Variants in PDGFRA observed in about 807,000 individuals in gnomAD.
The protein encoded by PDGFRA is platelet-derived growth factor receptor alpha.
PDGFRA carries 25 observed loss-of-function variants against 121.5 expected under a neutral mutation model. The observed-to-expected ratio is 0.21, with a 90% CI of 0.15 to 0.29. The LOEUF (loss-of-function observed/expected upper bound fraction) is 0.29. Among genes scored for constraint, PDGFRA ranks in the 10% least tolerant of loss-of-function variants. The pLI is 1.00. For synonymous variants in PDGFRA, 463 were observed against 494.8 expected, an observed-to-expected ratio of 0.94 and a Z score of 0.85; for missense variants, 1,008 against 1,345.1, an observed-to-expected ratio of 0.75 and a Z score of 3.92.
intron 1 of PDGFRA, among the ~76,000 whole-genome samples, chr4:54,242,337 C>T (rs1489127337): frequency 6.6e-6 from 1 of 152,054 alleles, no homozygotes; most frequent in Non-Finnish European, 1.5e-5. Context: ...GGAGATACCT[C>T]TTGTGTCCAT....
intron 1 of PDGFRA, among the ~76,000 whole-genome samples, chr4:54,235,781 G>GA (rs921142849): frequency 5.3e-5 from 8 of 152,336 alleles, no homozygotes; most frequent in African/African-American, 1.9e-4. Flanking sequence ...GGAGTCTGCA[G>GA]AAAAAGTCGT....
At chr4:54,238,841 G>A (rs1043553502) in intron 1 of PDGFRA, among the ~76,000 whole-genome samples, 2 of 152,148 alleles carry the variant, frequency 1.3e-5, no homozygotes, top group Non-Finnish European at 2.9e-5. Context: ...GCATGATGGT[G>A]CAGGCCTATA....
Position 54,280,306 on chromosome 4 carries a change from G to C in PDGFRA, c.2157-10G>C, listed in dbSNP as rs1723998462. On this transcript the variant is annotated splice_polypyrimidine_tract_variant and intron_variant, in intron 15 of 22. Transcript: ENST00000257290. ...CACCCTGGGTAAGATTTCTCTTTCTGTTTTTACAGCTATGTTATTTTATCT... is the reference window on the plus strand; with the variant it reads ...CACCCTGGGTAAGATTTCTCTTTCTCTTTTTACAGCTATGTTATTTTATCT... The C allele has an allele frequency of 6.2e-7, 1 of 1,612,596 alleles. No homozygotes were observed. Among genetic ancestry groups the C allele is most frequent in the South Asian group, 1.1e-5 (1 of 91,020 alleles).
intron 16 of PDGFRA, chr4:54,281,918 T>G (rs781286722): frequency 1.2e-4 from 133 of 1,155,322 alleles, no homozygotes; most frequent in Non-Finnish European, 1.4e-4. Flanking sequence ...TATTAACAAA[T>G]TATAAGCAAA....
rs372271731 is a variant in PDGFRA at position 54,291,296 on chromosome 4, T to A, written c.3122+742T>A. ...TCACCCATAAATATTCCAGTGTGTG[T>A]CTCTTAAAGATAAGGGCTCTATTTT... On this transcript the variant is annotated intron_variant, in intron 22 of 22. Transcript: ENST00000257290. Among the ~76,000 whole-genome samples, 19 of 152,302 alleles carry A rather than the reference T, an allele frequency of 1.2e-4. No homozygotes were observed. The South Asian group carries it at 3.7e-3, about 30-fold the overall frequency.
rs897125191 is a variant in PDGFRA at position 54,258,744 on chromosome 4, T to C, written c.-12-13T>C. The C allele has an allele frequency of 3.8e-6, 6 of 1,588,150 alleles. No homozygotes were observed. In the South Asian group the frequency reaches 6.6e-5, roughly 18 times the overall value. On this transcript the variant is annotated splice_polypyrimidine_tract_variant and intron_variant, in intron 1 of 22. Transcript: ENST00000257290. ...TTGCTAATGCTGTTTCTGTTGACTT[T>C]TGACTTTTCTAGTTTCCCAGAGCTA...
rs1723080437 is a variant in PDGFRA, at chr4:54,267,303, C to G, written c.774C>G (p.Ile258Met). Residue 258 changes from isoleucine to methionine, a missense_variant, in exon 6 of 23, where the codon ATC (isoleucine) becomes ATG (methionine). By Grantham distance (10) the Ile-to-Met change is conservative. Coordinates refer to ENST00000257290, the MANE Select transcript of PDGFRA (RefSeq NM_006206.6). ...TTTTGCTGTAGAAAGGCAAAGGCAT[C>G]ACAATGCTGGAAGAAATCAAAGTCC... ...TYPGEVKGKG[I>M]TMLEEIKVPS... 1.2e-6 allele frequency: 2 copies of G among 1,614,178 alleles called. No individual in the cohort carries two copies. Among genetic ancestry groups the G allele is most frequent in the Non-Finnish European group, 1.7e-6 (2 of 1,180,022 alleles).
chr4:54,256,245 TA>T (rs1452402376), intron 1 of PDGFRA, among the ~76,000 whole-genome samples: 3 of 152,074 alleles, frequency 2.0e-5, no homozygotes, highest in African/African-American at 7.2e-5. Flanking sequence ...TATTTTATTT[TA>T]TTTTTTTGTG....
At chr4:54,275,000 G>A (rs1237118796) in intron 12 of PDGFRA, 27 bp downstream of exon 12, 1 of 1,613,410 alleles carries the variant, frequency 6.2e-7, no homozygotes, top group Admixed American at 1.7e-5. Flanking sequence ...AACCTCCCAA[G>A]ACTCCCTTTT....
In PDGFRA at chr4:54,272,467, T is replaced by C. The variant is rs2110287208; in HGVS notation, c.1311T>C (p.Ala437=). The C allele has an allele frequency of 6.2e-7, 1 of 1,614,094 alleles. No homozygotes were observed. The highest frequency in any genetic ancestry group is 8.5e-7 in the Non-Finnish European group (1 of 1,179,964). The change falls in exon 9 of 23, where the codon GCT becomes GCC. Residue 437 remains alanine, a synonymous_variant. Transcript: ENST00000257290. ...STGGQTVRCT[A]EGTPLPDIEW... ...GGGGACAGACGGTGAGGTGCACAGC[T>C]GAAGGCACGCCGCTTCCTGATATTG... is the stretch of plus-strand genomic sequence containing the variant.
intron 1 of PDGFRA, among the ~76,000 whole-genome samples, chr4:54,241,795 C>T (rs990372897): frequency 1.3e-5 from 2 of 152,032 alleles, no homozygotes; most frequent in Non-Finnish European, 2.9e-5. Context: ...TTGATCCACC[C>T]ACCTTGGCCT....
At chr4:54,246,127 A>T (rs1265460645) in intron 1 of PDGFRA, among the ~76,000 whole-genome samples, 1 of 152,202 alleles carries the variant, frequency 6.6e-6, no homozygotes, top group East Asian at 1.9e-4. Flanking sequence ...TGGAGACTTT[A>T]ACACCCCACT....
chr4:54,244,337 C>A (rs549132271), intron 1 of PDGFRA, among the ~76,000 whole-genome samples: 2 of 152,210 alleles, frequency 1.3e-5, no homozygotes, highest in Non-Finnish European at 2.9e-5. Context: ...CAGACTGACA[C>A]CTCACACAGC....
chr4:54,253,484 C>T (rs879086961), intron 1 of PDGFRA, among the ~76,000 whole-genome samples: 1 of 152,126 alleles, frequency 6.6e-6, no homozygotes, highest in Non-Finnish European at 1.5e-5. Flanking sequence ...GCACAAGTCA[C>T]CTGCCTGAGA....
intron 3 of PDGFRA, among the ~76,000 whole-genome samples, chr4:54,263,390 G>T (rs185633951): frequency 2.0e-5 from 3 of 152,194 alleles, no homozygotes; most frequent in African/African-American, 7.2e-5. Context: ...TTCCCAAAGT[G>T]CTGGGATTAC....
chr4:54,247,953 G>A (rs1171760916), intron 1 of PDGFRA, among the ~76,000 whole-genome samples: 1 of 152,110 alleles, frequency 6.6e-6, no homozygotes. Flanking sequence ...AATCGTGAGT[G>A]AACTCCCATT....
intron 22 of PDGFRA, among the ~76,000 whole-genome samples, chr4:54,293,185 C>T (rs532920643): frequency 2.0e-5 from 3 of 152,126 alleles, no homozygotes; most frequent in Non-Finnish European, 2.9e-5. Flanking sequence ...TAGTGTTTGC[C>T]TGTGGAGTTC....
Position 54,261,927 on chromosome 4 carries a change from A to AT in PDGFRA, c.367+516dup, listed in dbSNP as rs1179916749. On this transcript the variant is annotated intron_variant, in intron 3 of 22. Coordinates refer to ENST00000257290, the MANE Select transcript of PDGFRA (RefSeq NM_006206.6). ...TATATATATATATATATATATATAT[A>AT]TATATTTTTTTTTTTTTTGGTAACA... Among the ~76,000 whole-genome samples the AT allele has an allele frequency of 4.7e-3, 396 of 84,388 alleles. 2 individuals are homozygous for AT. Among genetic ancestry groups the AT allele is most frequent in the South Asian group, 8.3e-3 (21 of 2,522 alleles). The allele number at this position is 84,388 out of a possible 152,430, so 55.4% of individuals were successfully genotyped here.
At chr4:54,256,274 C>T (rs1048393501) in intron 1 of PDGFRA, among the ~76,000 whole-genome samples, 16 of 151,996 alleles carry the variant, frequency 1.1e-4, no homozygotes, top group Admixed American at 7.2e-4. Flanking sequence ...CTTGCTCTGC[C>T]GCCCAGGCTG....
Sources: gnomAD v4.1 joint callset for allele counts (sites outside exome capture counted in the v4.1 genomes callset) on GRCh38, gnomAD v4.1.1 for gene constraint, MANE v1.5 for transcripts, NCBI Gene and HGNC (gene_info 2026-07-23, HGNC 2026-07-21) for gene names.